The following MAP2K5 variants were observed in gnomAD, a reference collection of about 807,000 sequenced individuals.
MAP2K5 encodes the protein dual specificity mitogen-activated protein kinase kinase 5.
In MAP2K5, 49 loss-of-function variants were observed where a neutral mutation model predicts 83.1. The observed-to-expected ratio is 0.59, with a 90% confidence interval of 0.47 to 0.75. The LOEUF is 0.75. MAP2K5 is among the 30% of genes least tolerant of loss of function. The pLI is 0.00. For missense variants in MAP2K5, 457 were observed against 557.5 expected, an observed-to-expected ratio of 0.82 and a Z score of 1.82; for synonymous variants, 202 against 191.8, an observed-to-expected ratio of 1.05 and a Z score of -0.44.
intron 13 of MAP2K5, among the ~76,000 whole-genome samples, chr15:67,672,542 T>C (rs1464649684): frequency 6.6e-6 from 1 of 150,778 alleles, no homozygotes; most frequent in East Asian, 1.9e-4. Flanking sequence ...TTTGAGTTCA[T>C]TGTAGATTCT....
In MAP2K5 at chr15:67,561,436, T is replaced by C. The variant is rs549753388; in HGVS notation, c.185-1847T>C. Among the ~76,000 whole-genome samples the C allele has an allele frequency of 9.2e-5, 14 of 152,360 alleles. No individual in the cohort carries two copies. Among genetic ancestry groups the C allele is most frequent in the African/African-American group, 3.4e-4 (14 of 41,582 alleles). Reference sequence around the variant, plus strand: ...TCTAAAGCGAATGAAAGAATCTTTATGTGTGTAACATCTCTCAGGACTGTG... The same window carrying C: ...TCTAAAGCGAATGAAAGAATCTTTACGTGTGTAACATCTCTCAGGACTGTG... On this transcript the variant is annotated intron_variant, in intron 2 of 21. Coordinates refer to ENST00000178640, the MANE Select transcript of MAP2K5 (RefSeq NM_145160.3). The surrounding 1 kb of genome is among the most constrained non-coding windows in gnomAD (Gnocchi z 4.2).
chr15:67,647,346 G>A (rs1248373888), intron 11 of MAP2K5, among the ~76,000 whole-genome samples: 1 of 152,164 alleles, frequency 6.6e-6, no homozygotes, highest in Non-Finnish European at 1.5e-5. Flanking sequence ...TATGGTAACT[G>A]TGGAGACTGA....
intron 17 of MAP2K5, among the ~76,000 whole-genome samples, chr15:67,728,332 C>G (rs1218706545): frequency 6.6e-6 from 1 of 152,096 alleles, no homozygotes; most frequent in Non-Finnish European, 1.5e-5. Context: ...GTGAAAGCAT[C>G]TAATCTAGGT....
chr15:67,624,297 C>T (rs931432110), intron 8 of MAP2K5, among the ~76,000 whole-genome samples: 2 of 142,776 alleles, frequency 1.4e-5, no homozygotes, highest in Non-Finnish European at 1.5e-5. Flanking sequence ...CGAGATCGCG[C>T]TGCTGCACTC....
chr15:67,792,136 GT>G (rs764300951), intron 21 of MAP2K5, among the ~76,000 whole-genome samples: 4 of 152,150 alleles, frequency 2.6e-5, no homozygotes, highest in Admixed American at 1.3e-4. Flanking sequence ...GCAAAAGGAG[GT>G]TAAGATCAAA....
At position 67,785,688 on chromosome 15, in the gene MAP2K5, CCTATGACCTTGATGGAAGGAGGG is replaced by C; in HGVS notation, c.1242+12937_1242+12959del. On this transcript the variant is annotated intron_variant, in intron 21 of 21. Transcript: ENST00000178640. This position sits in a 1 kb window ranked among gnomAD's most constrained non-coding sequence, Gnocchi z 4.4. Reference sequence around the variant, plus strand: ...GGCATGGAGCCATGACCTCGCTCATCCTATGACCTTGATGGAAGGAGGGGAAAGGTAGAAGGGTTTGTGATCTG... The same window carrying C: ...GGCATGGAGCCATGACCTCGCTCATCGAAAGGTAGAAGGGTTTGTGATCTG... Among the ~76,000 whole-genome samples the C allele has an allele frequency of 6.6e-6, 1 of 152,252 alleles. No individual in the cohort carries two copies. Among genetic ancestry groups the C allele is most frequent in the Non-Finnish European group, 1.5e-5 (1 of 68,030 alleles).
chr15:67,660,069 T>C (rs7172326), intron 12 of MAP2K5, among the ~76,000 whole-genome samples: 149,473 of 152,178 alleles, frequency 0.98, 73,475 homozygotes, highest in Middle Eastern at 1. Context: ...TATATTTGCC[T>C]TTACATTTTT....
chr15:67,784,429 T>C (rs558112655), intron 21 of MAP2K5, among the ~76,000 whole-genome samples: 29 of 152,348 alleles, frequency 1.9e-4, no homozygotes, highest in African/African-American at 6.3e-4. Context: ...AGAGTGTGCT[T>C]GTGAAGCCAA....
Position 67,748,267 on chromosome 15 carries a change from AT to A in MAP2K5, c.1101+11del. 6.2e-7 allele frequency: 1 copy of A among 1,601,704 alleles called. No homozygotes were observed. Among genetic ancestry groups the A allele is most frequent in the Non-Finnish European group, 8.5e-7 (1 of 1,169,874 alleles). On this transcript the variant is annotated intron_variant, in intron 18 of 21. Coordinates refer to ENST00000178640, the MANE Select transcript of MAP2K5 (RefSeq NM_145160.3). The surrounding 1 kb of genome is among the most constrained non-coding windows in gnomAD (Gnocchi z 4.0). ...CCAGGGATCTTTAATGGTAAGCTTT[AT>A]GAGTTCAGAAAAAAATTCACTTTTC...
rs1047459516 is a variant in MAP2K5, at chr15:67,658,681, T to A, written c.798+67T>A. The A allele has an allele frequency of 1.1e-4, 141 of 1,306,190 alleles. 3 individuals carry two copies. The highest frequency in any genetic ancestry group is 8.2e-4 in the South Asian group (70 of 84,850). The allele number at this position is 1,306,190 out of a possible 1,614,324, so 80.9% of individuals were successfully genotyped here. A position where few individuals can be genotyped will look rare whatever the true frequency, so the allele number is the denominator to read the frequency against. On this transcript the variant is annotated intron_variant, in intron 12 of 21. Coordinates refer to ENST00000178640, the MANE Select transcript of MAP2K5 (RefSeq NM_145160.3). ...ATCCTTCTAATCAAGCTCATTCTTC[T>A]TATATTCTCAATGTTTTTTCTTGTT...
chr15:67,642,839 C>A (rs770295093), intron 9 of MAP2K5, among the ~76,000 whole-genome samples: 1 of 152,200 alleles, frequency 6.6e-6, no homozygotes, highest in African/African-American at 2.4e-5. Context: ...GATATATTCA[C>A]AGCCAGTAGT....
chr15:67,787,397 G>A (rs1447423457), intron 21 of MAP2K5, among the ~76,000 whole-genome samples: 8 of 152,166 alleles, frequency 5.3e-5, no homozygotes, highest in South Asian at 4.1e-4. Context: ...CTAGCTAGCC[G>A]TCATTTTAAC....
intron 21 of MAP2K5, 136 bp from the exon 22 acceptor site, chr15:67,806,510 G>A: frequency 1.4e-6 from 1 of 726,090 alleles, no homozygotes; most frequent in Non-Finnish European, 2.2e-6. Context: ...GTGAAATGGA[G>A]CTGATAGCCT....
chr15:67,633,998 A>T (rs2086533003), intron 9 of MAP2K5, among the ~76,000 whole-genome samples: 1 of 152,028 alleles, frequency 6.6e-6, no homozygotes, highest in South Asian at 2.1e-4. Flanking sequence ...TATAACTTAA[A>T]TTGTTTTAAA....
chr15:67,558,604 C>T (rs1023995596), intron 2 of MAP2K5, among the ~76,000 whole-genome samples: 4 of 152,166 alleles, frequency 2.6e-5, no homozygotes, highest in South Asian at 4.1e-4. Context: ...TCTGCATTTT[C>T]GCATCTGGCC....
chr15:67,575,793 A>G (rs997130856), intron 3 of MAP2K5, among the ~76,000 whole-genome samples: 1 of 151,970 alleles, frequency 6.6e-6, no homozygotes, highest in African/African-American at 2.4e-5. Flanking sequence ...ATAAATGTAG[A>G]TATGTAGTGC....
At chr15:67,633,103 C>T (rs1386789451) in intron 9 of MAP2K5, among the ~76,000 whole-genome samples, 2 of 152,218 alleles carry the variant, frequency 1.3e-5, no homozygotes, top group Non-Finnish European at 2.9e-5. Context: ...CACCTTGGTG[C>T]TCACCGAGCG....
intron 19 of MAP2K5, among the ~76,000 whole-genome samples, chr15:67,761,837 A>T (rs2089955412): frequency 6.6e-6 from 1 of 152,162 alleles, no homozygotes. Context: ...ATCTACCTTT[A>T]AGAGTGCTTT....
intron 6 of MAP2K5, among the ~76,000 whole-genome samples, chr15:67,590,443 C>CTA (rs2085378679): frequency 2.0e-5 from 1 of 49,454 alleles, no homozygotes; most frequent in African/African-American, 8.9e-5. Flanking sequence ...CTCTCCCTCC[C>CTA]TCCCTCTCTC....
Sources: allele counts gnomAD v4.1 joint callset (sites outside exome capture counted in the v4.1 genomes callset), GRCh38; gene constraint gnomAD v4.1.1; non-coding constraint Gnocchi (gnomAD v3.1); transcripts MANE v1.5; gene names NCBI Gene and HGNC (gene_info 2026-07-23, HGNC 2026-07-21).